POLQ: variants seen among roughly 807,000 people sequenced by gnomAD.
POLQ encodes the protein DNA polymerase theta, also known as epididymis secretory sperm binding protein.
POLQ carries 233 observed loss-of-function variants against 259.2 expected under a neutral mutation model. That is an observed-to-expected ratio of 0.90 (90% confidence interval 0.81 to 1.00). POLQ has a LOEUF of 1.00. POLQ is among the 50% of genes least tolerant of loss of function. The pLI, the probability that POLQ is intolerant of heterozygous loss-of-function variation, is 0.00. For synonymous variants in POLQ, 1,025 were observed against 1,048.8 expected, an observed-to-expected ratio of 0.98 and a Z score of 0.44; for missense variants, 2,871 against 3,051.6, an observed-to-expected ratio of 0.94 and a Z score of 1.39.
At position 121,493,483 on chromosome 3, in the gene POLQ, G is replaced by C. The variant is rs2048088074; in HGVS notation, c.2517C>G (p.Phe839Leu). Residue 839 changes from phenylalanine to leucine, a missense_variant, in exon 15 of 30, where the codon TTC becomes TTG. Coordinates refer to ENST00000264233, the MANE Select transcript of POLQ (RefSeq NM_199420.4). ...AGGTAAAGGTATTTTCTTACCTTTT[G>C]AAAGGCACAGCATTTTTCAGAATCA... is the stretch of plus-strand genomic sequence containing the variant. ...VEVILKNAVP[F>L]KSARKAVDEE... 6.2e-7 allele frequency: 1 copy of C among 1,609,924 alleles called. No individual in the cohort carries two copies. Among genetic ancestry groups the C allele is most frequent in the African/African-American group, 1.3e-5 (1 of 74,518 alleles).
At chr3:121,504,397 TC>T in intron 12 of POLQ, among the ~76,000 whole-genome samples, 1 of 152,330 alleles carries the variant, frequency 6.6e-6, no homozygotes, top group Admixed American at 6.5e-5. Flanking sequence ...AAATTCATCA[TC>T]AAAACATTTA....
At chr3:121,529,449 G>T (rs1315666756) in intron 7 of POLQ, among the ~76,000 whole-genome samples, 196 bp downstream of exon 7, 1 of 152,182 alleles carries the variant, frequency 6.6e-6, no homozygotes, top group African/African-American at 2.4e-5. Context: ...CTAAGCATGT[G>T]TGTGTATACA....
chr3:121,474,967 G>A (rs1028968532), intron 20 of POLQ, among the ~76,000 whole-genome samples: 1 of 152,118 alleles, frequency 6.6e-6, no homozygotes, highest in African/African-American at 2.4e-5. Context: ...ATTAAATTAA[G>A]CTGATTAACA....
intron 25 of POLQ, among the ~76,000 whole-genome samples, chr3:121,451,155 T>C (rs1039501343): frequency 1.3e-5 from 2 of 152,236 alleles, no homozygotes; most frequent in East Asian, 1.9e-4. Context: ...ATTTAAGGAC[T>C]TCTCTACACT....
chr3:121,511,226 C>CAAAAA (rs34066876), intron 10 of POLQ, among the ~76,000 whole-genome samples: 1 of 74,940 alleles, frequency 1.3e-5, no homozygotes, highest in African/African-American at 6.1e-5. Context: ...ACTCCGTCTC[C>CAAAAA]AAAAAAAAAA....
chr3:121,533,468 C>G (rs1192554520), intron 5 of POLQ, among the ~76,000 whole-genome samples: 1 of 152,184 alleles, frequency 6.6e-6, no homozygotes, highest in Admixed American at 6.5e-5. Flanking sequence ...CTTGTCACCA[C>G]TTGGTATTGT....
chr3:121,501,545 G>A (rs1204552715), intron 12 of POLQ, among the ~76,000 whole-genome samples: 8 of 148,796 alleles, frequency 5.4e-5, no homozygotes, highest in African/African-American at 2.0e-4. Flanking sequence ...TGTAGTCCCA[G>A]CTACTTGGGA....
In POLQ at chr3:121,473,353, A is replaced by G. The variant is rs1229789218; in HGVS notation, c.6540T>C (p.Ser2180=). Residue 2180 remains serine, a synonymous_variant, in exon 21 of 30, where the codon AGT becomes AGC. Coordinates refer to ENST00000264233, the MANE Select transcript of POLQ (RefSeq NM_199420.4). The part of the protein sequence containing the change: ...KLRLGRQFST[S]KDVLNKLKAL... The stretch of plus-strand genomic sequence containing the variant: ...CTGTGACTGCCCCAAAGAGCACCTT[A>G]CTAGTGCTGAACTGTCTTCCCAGCC... The G allele has an allele frequency of 6.2e-7, 1 of 1,612,642 alleles. No homozygotes were observed. Among genetic ancestry groups the G allele is most frequent in the Non-Finnish European group, 8.5e-7 (1 of 1,179,504 alleles).
chr3:121,460,730 G>A (rs2047784883), intron 24 of POLQ, among the ~76,000 whole-genome samples: 1 of 152,126 alleles, frequency 6.6e-6, no homozygotes, highest in African/African-American at 2.4e-5. Context: ...AGAAATGTGT[G>A]CCCTGATTTG....
chr3:121,515,700 A>T (rs566486331), intron 9 of POLQ, among the ~76,000 whole-genome samples: 46 of 152,330 alleles, frequency 3.0e-4, no homozygotes, highest in African/African-American at 9.9e-4. Context: ...CCTGCCAAAG[A>T]ACACCTATAA....
chr3:121,496,027 T>C (rs1433597635), intron 14 of POLQ, among the ~76,000 whole-genome samples: 2 of 152,016 alleles, frequency 1.3e-5, no homozygotes, highest in Non-Finnish European at 2.9e-5. Flanking sequence ...GATTCCTTAG[T>C]AAAATCAGAC....
At chr3:121,540,462 C>T (rs2048482215) in intron 3 of POLQ, among the ~76,000 whole-genome samples, 1 of 152,188 alleles carries the variant, frequency 6.6e-6, no homozygotes, top group Non-Finnish European at 1.5e-5. Context: ...GAAATCACAA[C>T]AGTAAATTTA....
chr3:121,523,706 C>A (rs918032574), intron 7 of POLQ, among the ~76,000 whole-genome samples: 6 of 151,754 alleles, frequency 4.0e-5, no homozygotes, highest in Admixed American at 2.6e-4. Flanking sequence ...CAGAGCAAGA[C>A]CCTGTCTCAA....
chr3:121,433,204 C>A (rs935178732), intron 28 of POLQ, among the ~76,000 whole-genome samples, 171 bp from the exon 29 acceptor site: 1 of 152,134 alleles, frequency 6.6e-6, no homozygotes, highest in African/African-American at 2.4e-5. Flanking sequence ...CCTAAGTATC[C>A]GGTATAAACT....
At chr3:121,491,443 G>A (rs1042490020) in intron 15 of POLQ, among the ~76,000 whole-genome samples, 2 of 151,428 alleles carry the variant, frequency 1.3e-5, no homozygotes, top group African/African-American at 4.9e-5. Flanking sequence ...TATATGAAGG[G>A]ACTAGAAAAT....
Position 121,529,707 on chromosome 3 carries a change from C to T in POLQ, c.1046G>A (p.Trp349Ter). The stretch of plus-strand genomic sequence containing the variant: ...AATGATATCTGCCAGCTTCTCACAC[C>T]ATTTCTTTGATGGACAAAAAAGTAA... ...SVLLFCPSKKWCEKLADIIAR... is the reference protein window; with the variant it reads ...SVLLFCPSKK The change falls in exon 7 of 30, where the codon TGG (tryptophan) becomes TAG (stop). Residue 349 changes from tryptophan (W) to a stop codon, truncating the protein, a stop_gained. Transcript: ENST00000264233. LOFTEE classifies it high-confidence loss of function. 3 of 1,613,130 alleles carry T rather than the reference C, an allele frequency of 1.9e-6. No homozygotes were observed. The highest frequency in any genetic ancestry group is 2.5e-6 in the Non-Finnish European group (3 of 1,179,336).
At chr3:121,492,729 G>T (rs61796947) in intron 15 of POLQ, among the ~76,000 whole-genome samples, 1 of 150,246 alleles carries the variant, frequency 6.7e-6, no homozygotes, top group Non-Finnish European at 1.5e-5. Flanking sequence ...TCGACCTCCC[G>T]GGCTCAACCA....
At chr3:121,493,429 CAT>C (rs1491214502) in intron 15 of POLQ, 47 bp downstream of exon 15, 1 of 1,320,722 alleles carries the variant, frequency 7.6e-7, no homozygotes, top group South Asian at 1.5e-5. Flanking sequence ...TTAAAATTGA[CAT>C]TTTTTTTTTA....
chr3:121,544,513 G>A (rs1023556274), intron 2 of POLQ, among the ~76,000 whole-genome samples: 1 of 152,014 alleles, frequency 6.6e-6, no homozygotes, highest in South Asian at 2.1e-4. Context: ...TCTTTAAATT[G>A]TCATTTTTCT....
Sources: allele counts gnomAD v4.1 joint callset (sites outside exome capture counted in the v4.1 genomes callset), GRCh38; gene constraint gnomAD v4.1.1; transcripts MANE v1.5; gene names NCBI Gene and HGNC (gene_info 2026-07-23, HGNC 2026-07-21).